The following STAB2 variants were observed in gnomAD, a reference collection of about 807,000 sequenced individuals.
STAB2 encodes the protein stabilin 2.
In STAB2, 288 loss-of-function variants were observed where a neutral mutation model predicts 338.1. That is an observed-to-expected ratio of 0.85 (90% confidence interval 0.77 to 0.94). The LOEUF (loss-of-function observed/expected upper bound fraction) is 0.94, where lower values mean the gene tolerates loss of function less well. Among genes scored for constraint, STAB2 ranks in the 40% least tolerant of loss-of-function variants. The pLI is 0.00. For missense variants in STAB2, 3,141 were observed against 3,210.1 expected (o/e 0.98, Z 0.52); for synonymous variants, 1,202 against 1,193.3 (o/e 1.01, Z -0.15).
chr12:103,594,361 A>T, intron 2 of STAB2, 34 bp from the exon 3 acceptor site: 1 of 1,531,140 alleles, frequency 6.5e-7, no homozygotes, highest in Non-Finnish European at 9.1e-7. Flanking sequence ...CATTGCTCTT[A>T]TCGTGGGTTA....
intron 8 of STAB2, among the ~76,000 whole-genome samples, chr12:103,638,901 G>T (rs1456362309): frequency 1.3e-5 from 2 of 152,240 alleles, no homozygotes; most frequent in Non-Finnish European, 2.9e-5. Context: ...GCACAGGTAG[G>T]AGGAAGGGCT....
chr12:103,629,372 C>T (rs1437903280), intron 5 of STAB2, among the ~76,000 whole-genome samples: 3 of 152,242 alleles, frequency 2.0e-5, no homozygotes, highest in Non-Finnish European at 4.4e-5. Flanking sequence ...ATATAAGAGC[C>T]TACTGCTACT....
intron 35 of STAB2, among the ~76,000 whole-genome samples, chr12:103,703,967 A>T (rs1327647449): frequency 6.6e-6 from 1 of 152,204 alleles, no homozygotes; most frequent in East Asian, 1.9e-4. Context: ...AGGTTCATAC[A>T]CTACCAAGTG....
At chr12:103,765,656 TCCTCCCA>T (rs1413758826) in intron 68 of STAB2, among the ~76,000 whole-genome samples, 2 of 152,114 alleles carry the variant, frequency 1.3e-5, no homozygotes, top group Non-Finnish European at 2.9e-5. Context: ...CCTCAGGTGA[TCCTCCCA>T]CCTCAGCCTC....
intron 31 of STAB2, among the ~76,000 whole-genome samples, chr12:103,693,529 G>A (rs1245044718): frequency 1.3e-5 from 2 of 152,156 alleles, no homozygotes; most frequent in East Asian, 1.9e-4. Flanking sequence ...TGGAGGGAGA[G>A]GCATGTGATT....
At chr12:103,600,364 A>AG (rs1372749053) in intron 3 of STAB2, among the ~76,000 whole-genome samples, 2 of 152,374 alleles carry the variant, frequency 1.3e-5, no homozygotes, top group Non-Finnish European at 2.9e-5. Context: ...GTGATCTCTT[A>AG]GTCAGCTACA....
intron 28 of STAB2, among the ~76,000 whole-genome samples, chr12:103,689,308 C>A (rs1566017364): frequency 6.6e-6 from 1 of 152,016 alleles, no homozygotes; most frequent in East Asian, 1.9e-4. Flanking sequence ...CATCGTGAAA[C>A]CCCGTCTCTG....
chr12:103,639,715 A>AAC (rs1555230451), intron 8 of STAB2, among the ~76,000 whole-genome samples: 1 of 151,762 alleles, frequency 6.6e-6, no homozygotes, highest in Non-Finnish European at 1.5e-5. Flanking sequence ...AAAAAAAAAA[A>AAC]AAAAAAAAAA....
chr12:103,618,633 A>C (rs1178351513), intron 3 of STAB2, among the ~76,000 whole-genome samples: 1 of 152,208 alleles, frequency 6.6e-6, no homozygotes, highest in Non-Finnish European at 1.5e-5. Flanking sequence ...TGGTCACTTC[A>C]GTAGAGGAAA....
At chr12:103,706,763 C>T (rs769936763) in intron 37 of STAB2, 29 bp from the exon 38 acceptor site, 10 of 1,613,362 alleles carry the variant, frequency 6.2e-6, no homozygotes, top group African/African-American at 1.3e-5. Context: ...GATAGAAGTG[C>T]GTTGTCAAGC....
chr12:103,710,913 A>C (rs1879794250), intron 39 of STAB2, among the ~76,000 whole-genome samples: 1 of 152,218 alleles, frequency 6.6e-6, no homozygotes, highest in South Asian at 2.1e-4. Flanking sequence ...GGCATCCAAG[A>C]GCAATAACCT....
At chr12:103,641,584 T>C (rs1872931182) in intron 9 of STAB2, among the ~76,000 whole-genome samples, 1 of 152,086 alleles carries the variant, frequency 6.6e-6, no homozygotes, top group Admixed American at 6.5e-5. Context: ...CTCAAACATA[T>C]ATTCTGGCAA....
At position 103,764,866 on chromosome 12, in the gene STAB2, G is replaced by A. The variant is rs556140832; in HGVS notation, c.7605+1258G>A. On this transcript the variant is annotated intron_variant, in intron 68 of 68. Transcript: ENST00000388887. ...TAATCCCAGCACTTTCGGAGGCCAA[G>A]GCAGGTGGATCACCTGAGGTCAAGA... 3.3e-5 allele frequency among the ~76,000 whole-genome samples: 5 copies of A among 152,186 alleles called. No homozygotes were observed. In the South Asian group the frequency reaches 1.0e-3, roughly 32 times the overall value.
At chr12:103,637,868 G>T in intron 7 of STAB2, 148 bp from the exon 8 acceptor site, 1 of 806,974 alleles carries the variant, frequency 1.2e-6, no homozygotes, top group Non-Finnish European at 1.9e-6. Context: ...ACATAAATCT[G>T]TCTGGTTCAG....
At chr12:103,668,511 T>C in intron 19 of STAB2, 132 bp from the exon 20 acceptor site, 1 of 769,592 alleles carries the variant, frequency 1.3e-6, no homozygotes, top group Non-Finnish European at 2.2e-6. Context: ...GGTCTGCTAG[T>C]GTGGTCCAGC....
chr12:103,701,748 C>T (rs912037113), intron 34 of STAB2, among the ~76,000 whole-genome samples: 1 of 152,104 alleles, frequency 6.6e-6, no homozygotes, highest in East Asian at 1.9e-4. Flanking sequence ...CCTTGGAACA[C>T]CTCTGTGGAG....
At chr12:103,634,043 A>G (rs1957506249) in intron 6 of STAB2, among the ~76,000 whole-genome samples, 1 of 152,248 alleles carries the variant, frequency 6.6e-6, no homozygotes, top group African/African-American at 2.4e-5. Context: ...GTAGGAGGAT[A>G]ACAAGCTGAA....
rs765830547 is a variant in STAB2, at chr12:103,746,684, G to C, written c.6224G>C (p.Gly2075Ala). Reference protein sequence around the residue: ...NTCECNLDYEGDGITCTVVDF... With the variant: ...NTCECNLDYEADGITCTVVDF... ...TGTGAGTGTAACCTGGATTATGAAG[G>C]TGACGGAATCACATGCACAGGTAAG... Residue 2075 changes from glycine to alanine, a missense_variant, in exon 58 of 69, where the codon GGT becomes GCT. By Grantham distance (60) the Gly-to-Ala change is moderately conservative. Coordinates refer to ENST00000388887, the MANE Select transcript of STAB2 (RefSeq NM_017564.10). The C allele has an allele frequency of 6.2e-7, 1 of 1,613,998 alleles. No homozygotes were observed. Among genetic ancestry groups the C allele is most frequent in the East Asian group, 2.2e-5 (1 of 44,882 alleles).
At chr12:103,714,653 C>T (rs1880156249) in intron 42 of STAB2, among the ~76,000 whole-genome samples, 2 of 151,000 alleles carry the variant, frequency 1.3e-5, no homozygotes, top group Admixed American at 1.3e-4. Flanking sequence ...TGCCACTGCA[C>T]TCCAGCCTGG....
Sources: allele counts gnomAD v4.1 joint callset (sites outside exome capture counted in the v4.1 genomes callset), GRCh38; gene constraint gnomAD v4.1.1; transcripts MANE v1.5; gene names NCBI Gene and HGNC (gene_info 2026-07-23, HGNC 2026-07-21).